The following ADAMTS17 variants were observed in gnomAD, a reference collection of about 807,000 sequenced individuals.
ADAMTS17 encodes A disintegrin and metalloproteinase with thrombospondin motifs 17.
ADAMTS17 carries 113 observed loss-of-function variants against 141.5 expected under a neutral mutation model. That is an observed-to-expected ratio of 0.80 (90% CI 0.69 to 0.93). The LOEUF (loss-of-function observed/expected upper bound fraction) is 0.93. ADAMTS17 is among the 40% of genes least tolerant of loss of function. The probability of loss-of-function intolerance (pLI) is 0.00; values close to 1 mark genes in which losing one functional copy is unlikely to be tolerated. For synonymous variants in ADAMTS17, 768 were observed against 630.6 expected (o/e 1.22, Z -3.27); for missense variants, 1,659 against 1,517.9 (o/e 1.09, Z -1.54).
chr15:100,018,776 G>A (rs2061343087), intron 18 of ADAMTS17, among the ~76,000 whole-genome samples: 1 of 152,140 alleles, frequency 6.6e-6, no homozygotes, highest in Non-Finnish European at 1.5e-5. Flanking sequence ...TCACCACAGA[G>A]CAGGGGAATT....
intron 8 of ADAMTS17, among the ~76,000 whole-genome samples, chr15:100,180,242 T>A (rs1038907358): frequency 6.6e-6 from 1 of 152,234 alleles, no homozygotes; most frequent in Non-Finnish European, 1.5e-5. Flanking sequence ...TATGGATATC[T>A]AGTTTTCCCA....
chr15:100,152,411 CAT>C (rs2039211815), intron 10 of ADAMTS17, among the ~76,000 whole-genome samples, 199 bp downstream of exon 10: 2 of 152,152 alleles, frequency 1.3e-5, no homozygotes, highest in Admixed American at 6.5e-5. Context: ...ATGGGGTACA[CAT>C]GTGCAAATGC....
chr15:100,009,294 G>T (rs910671268), intron 18 of ADAMTS17, among the ~76,000 whole-genome samples: 1 of 152,140 alleles, frequency 6.6e-6, no homozygotes, highest in Non-Finnish European at 1.5e-5. Flanking sequence ...CTATGTAGGT[G>T]GGTCCTCTGT....
intron 10 of ADAMTS17, among the ~76,000 whole-genome samples, chr15:100,135,867 C>G (rs1237095690): frequency 6.6e-6 from 1 of 152,128 alleles, no homozygotes; most frequent in African/African-American, 2.4e-5. Flanking sequence ...TTACAACCAC[C>G]ATTAGATTAG....
chr15:99,984,181 G>A (rs756510787), intron 20 of ADAMTS17, among the ~76,000 whole-genome samples: 1 of 152,186 alleles, frequency 6.6e-6, no homozygotes, highest in Non-Finnish European at 1.5e-5. Flanking sequence ...TTCTAGCCAG[G>A]GAACCAGGAG....
intron 3 of ADAMTS17, among the ~76,000 whole-genome samples, chr15:100,297,630 A>G (rs776751379): frequency 2.0e-5 from 3 of 152,184 alleles, no homozygotes; most frequent in Non-Finnish European, 4.4e-5. Context: ...GAATAGGGCC[A>G]GGTAGGAAGA....
At chr15:99,990,575 A>G (rs1245436092) in intron 20 of ADAMTS17, among the ~76,000 whole-genome samples, 1 of 151,852 alleles carries the variant, frequency 6.6e-6, no homozygotes. Context: ...TTAATCCAGA[A>G]TAATAGGGTA....
chr15:100,109,491 G>C (rs2036614909), intron 13 of ADAMTS17, among the ~76,000 whole-genome samples: 1 of 152,056 alleles, frequency 6.6e-6, no homozygotes. Flanking sequence ...TGAAGGGAGG[G>C]GGAGGGGAAG....
At chr15:100,251,920 CAA>C (rs2043168214) in intron 7 of ADAMTS17, among the ~76,000 whole-genome samples, 3 of 152,290 alleles carry the variant, frequency 2.0e-5, no homozygotes, top group South Asian at 4.1e-4. Flanking sequence ...TCAGGAGAGG[CAA>C]AGTCTGCCGA....
At chr15:100,171,050 T>C (rs1234478877) in intron 8 of ADAMTS17, among the ~76,000 whole-genome samples, 1 of 152,196 alleles carries the variant, frequency 6.6e-6, no homozygotes, top group Admixed American at 6.5e-5. Flanking sequence ...CTGGTTCTCC[T>C]AGGGGAAGCC....
chr15:100,083,998 G>A (rs1402655217), intron 15 of ADAMTS17, among the ~76,000 whole-genome samples: 1 of 152,000 alleles, frequency 6.6e-6, no homozygotes, highest in East Asian at 1.9e-4. Flanking sequence ...AGTGGGTGCA[G>A]GACAGTGGGT....
At chr15:100,135,882 C>T (rs1010253526) in intron 10 of ADAMTS17, among the ~76,000 whole-genome samples, 19 of 152,120 alleles carry the variant, frequency 1.2e-4, no homozygotes, top group African/African-American at 4.3e-4. Flanking sequence ...GATTAGATAC[C>T]TTGACACAGC....
intron 8 of ADAMTS17, among the ~76,000 whole-genome samples, chr15:100,196,827 G>A (rs561436294): frequency 1.3e-5 from 2 of 152,302 alleles, no homozygotes; most frequent in East Asian, 1.9e-4. Flanking sequence ...CTGACGGGGA[G>A]GACATAGCTT....
chr15:100,193,674 G>GTGCTCCTGCTGCGCGTCAC (rs533350943), intron 8 of ADAMTS17, among the ~76,000 whole-genome samples: 489 of 152,332 alleles, frequency 3.2e-3, no homozygotes, highest in Non-Finnish European at 5.2e-3. Context: ...TAAACGCCCA[G>GTGCTCCTGCTGCGCGTCAC]TGCTCCTGCT....
At chr15:100,308,476 T>G (rs570404088) in intron 3 of ADAMTS17, among the ~76,000 whole-genome samples, 153 of 152,290 alleles carry the variant, frequency 1.0e-3, no homozygotes, top group African/African-American at 3.6e-3. Flanking sequence ...CTGGAAGCAA[T>G]TATAACAAGA....
intron 8 of ADAMTS17, among the ~76,000 whole-genome samples, chr15:100,176,254 G>A (rs2040335676): frequency 6.6e-6 from 1 of 152,236 alleles, no homozygotes; most frequent in Non-Finnish European, 1.5e-5. Flanking sequence ...TGGCACAGAG[G>A]AAGGGCTCTA....
At chr15:100,133,147 G>T (rs2038142159) in intron 11 of ADAMTS17, 67 bp downstream of exon 11, 1 of 1,424,098 alleles carries the variant, frequency 7.0e-7, no homozygotes, top group Non-Finnish European at 9.7e-7. Flanking sequence ...TTGTGTGTCA[G>T]AAGAGGTGCC....
chr15:100,292,404 C>T (rs1240163854), intron 3 of ADAMTS17, among the ~76,000 whole-genome samples: 4 of 149,970 alleles, frequency 2.7e-5, no homozygotes, highest in Admixed American at 1.3e-4. Flanking sequence ...TTACGAGAGA[C>T]ACTCACCCCG....
chr15:100,289,230 T>C (rs1360831579), intron 3 of ADAMTS17, among the ~76,000 whole-genome samples: 2 of 152,024 alleles, frequency 1.3e-5, no homozygotes, highest in Non-Finnish European at 2.9e-5. Flanking sequence ...GCACACAAAC[T>C]AGAAAACCTG....
Sources: allele counts gnomAD v4.1 joint callset (sites outside exome capture counted in the v4.1 genomes callset), GRCh38; gene constraint gnomAD v4.1.1; transcripts MANE v1.5; gene names NCBI Gene and HGNC (gene_info 2026-07-23, HGNC 2026-07-21).